WNT3A: variants seen among roughly 807,000 people sequenced by gnomAD.
WNT3A encodes protein Wnt-3a.
Under a neutral mutation model 37.0 loss-of-function variants are expected in WNT3A, and 17 were observed. The observed-to-expected ratio is 0.46, with a 90% CI of 0.31 to 0.69. The LOEUF (loss-of-function observed/expected upper bound fraction) is 0.69, where lower values mean the gene tolerates loss of function less well. WNT3A is among the 30% of genes least tolerant of loss of function. The pLI is 0.05. For missense variants in WNT3A, 411 were observed against 510.2 expected (o/e 0.81, Z 1.87); for synonymous variants, 187 against 211.0 (o/e 0.89, Z 0.99).
Position 228,059,612 on chromosome 1 carries a change from C to G in WNT3A, c.*147C>G. 1 of 1,388,136 alleles carries G rather than the reference C, an allele frequency of 7.2e-7. No individual in the cohort carries two copies. Among genetic ancestry groups the G allele is most frequent in the Non-Finnish European group, 9.3e-7 (1 of 1,079,070 alleles). The allele number at this position is 1,388,136 out of a possible 1,614,324, so 86.0% of individuals were successfully genotyped here. ...TGGGGGTGGGGCTCCTACCTGGGGG[C>G]AGAACTCCTACCTGAAGGCAGGGCT... On this transcript the variant is annotated 3_prime_UTR_variant, in exon 4 of 4. Coordinates refer to ENST00000284523, the MANE Select transcript of WNT3A (RefSeq NM_033131.4).
chr1:228,027,781 G>A (rs1168346657), intron 2 of WNT3A, among the ~76,000 whole-genome samples: 1 of 152,124 alleles, frequency 6.6e-6, no homozygotes, highest in Non-Finnish European at 1.5e-5. Context: ...AATTCAATTA[G>A]GTCCCATTTA....
At position 228,033,247 on chromosome 1, in the gene WNT3A, G is replaced by A. The variant is rs2031054707; in HGVS notation, c.313+10339G>A. Reference sequence around the variant, plus strand: ...TTGATGCCATATCTAAGAGACAATTGCCTAACCCAAGCTCACAAAGATCTA... The same window carrying A: ...TTGATGCCATATCTAAGAGACAATTACCTAACCCAAGCTCACAAAGATCTA... On this transcript the variant is annotated intron_variant, in intron 2 of 3. Coordinates refer to ENST00000284523, the MANE Select transcript of WNT3A (RefSeq NM_033131.4). 2.6e-5 allele frequency among the ~76,000 whole-genome samples: 4 copies of A among 152,078 alleles called. No homozygotes were observed. In the South Asian group the frequency reaches 8.3e-4, roughly 32 times the overall value.
In WNT3A at chr1:228,008,280, C is replaced by A. The variant is rs1041982333; in HGVS notation, c.71+1081C>A. Reference sequence around the variant, plus strand: ...CTCCCCACAAGCATGCACACTCCCCCCCATCCTTCTCCGACGGCAGCCTGG... The same window carrying A: ...CTCCCCACAAGCATGCACACTCCCCACCATCCTTCTCCGACGGCAGCCTGG... On this transcript the variant is annotated intron_variant, in intron 1 of 3. Coordinates refer to ENST00000284523, the MANE Select transcript of WNT3A (RefSeq NM_033131.4). This position sits in a 1 kb window ranked among gnomAD's most constrained non-coding sequence, Gnocchi z 4.9. Among the ~76,000 whole-genome samples, 1 of 152,220 alleles carries A rather than the reference C, an allele frequency of 6.6e-6. No homozygotes were observed. The highest frequency in any genetic ancestry group is 1.5e-5 in the Non-Finnish European group (1 of 68,038).
intron 2 of WNT3A, among the ~76,000 whole-genome samples, chr1:228,043,013 AGATGGATG>A (rs537700236): frequency 4.7e-5 from 7 of 149,622 alleles, no homozygotes; most frequent in Non-Finnish European, 7.4e-5. Flanking sequence ...GGTAATGGAT[AGATGGATG>A]GATGGATGGA....
Position 228,031,541 on chromosome 1 carries a change from G to T in WNT3A, c.313+8633G>T, listed in dbSNP as rs1278470579. On this transcript the variant is annotated intron_variant, in intron 2 of 3. Transcript: ENST00000284523. The surrounding 1 kb of genome is among the most constrained non-coding windows in gnomAD (Gnocchi z 4.8). ...TGTGAGTGTGCACGTGTGTGGGAATGTGGTGTGATGTGTCATGTGTGCACA... is the reference window on the plus strand; with the variant it reads ...TGTGAGTGTGCACGTGTGTGGGAATTTGGTGTGATGTGTCATGTGTGCACA... Among the ~76,000 whole-genome samples the T allele has an allele frequency of 6.6e-6, 1 of 152,152 alleles. No homozygotes were observed. The highest frequency in any genetic ancestry group is 1.5e-5 in the Non-Finnish European group (1 of 68,014).
chr1:228,032,639 T>C (rs963388849), intron 2 of WNT3A, among the ~76,000 whole-genome samples: 4 of 152,212 alleles, frequency 2.6e-5, no homozygotes, highest in Admixed American at 1.3e-4. Context: ...TTGACTATTA[T>C]AAATAATGCC....
At chr1:228,028,854 G>A (rs1296294245) in intron 2 of WNT3A, among the ~76,000 whole-genome samples, 1 of 152,158 alleles carries the variant, frequency 6.6e-6, no homozygotes, top group Non-Finnish European at 1.5e-5. Context: ...TTATCCAGTT[G>A]CCCCAGGTGG....
intron 1 of WNT3A, among the ~76,000 whole-genome samples, chr1:228,022,059 A>G (rs1006204485): frequency 6.6e-6 from 1 of 152,248 alleles, no homozygotes; most frequent in Non-Finnish European, 1.5e-5. Flanking sequence ...GATAAAACAT[A>G]CAGAAAAACA....
At position 228,038,045 on chromosome 1, in the gene WNT3A, C is replaced by T. The variant is rs2031185674; in HGVS notation, c.314-12611C>T. 1.3e-5 allele frequency among the ~76,000 whole-genome samples: 2 copies of T among 152,066 alleles called. 1 individual carries two copies. The highest frequency in any genetic ancestry group is 1.3e-4 in the Admixed American group (2 of 15,268). ...TGGCGCACAAAGCCGGATTCAAGCGCCCCAGCGGGTCAGCACGGCGCCCGG... is the reference window on the plus strand; with the variant it reads ...TGGCGCACAAAGCCGGATTCAAGCGTCCCAGCGGGTCAGCACGGCGCCCGG... On this transcript the variant is annotated intron_variant, in intron 2 of 3. Coordinates refer to ENST00000284523, the MANE Select transcript of WNT3A (RefSeq NM_033131.4). This position sits in a 1 kb window ranked among gnomAD's most constrained non-coding sequence, Gnocchi z 5.7.
At chr1:228,048,419 G>A (rs1219208393) in intron 2 of WNT3A, among the ~76,000 whole-genome samples, 1 of 152,214 alleles carries the variant, frequency 6.6e-6, no homozygotes, top group African/African-American at 2.4e-5. Context: ...TGCTAGGTCT[G>A]TAAGATCCCT....
rs964760716 is a variant in WNT3A at position 228,038,263 on chromosome 1, C to A, written c.314-12393C>A. Among the ~76,000 whole-genome samples the A allele has an allele frequency of 6.6e-6, 1 of 152,044 alleles. No individual in the cohort carries two copies. Among genetic ancestry groups the A allele is most frequent in the Non-Finnish European group, 1.5e-5 (1 of 67,978 alleles). ...AAGGTGGGCAGCCCCCGAGGGGAGG[C>A]GCCCGGGCGTCGGCTCCGGCGGGCT... is the stretch of plus-strand genomic sequence containing the variant. On this transcript the variant is annotated intron_variant, in intron 2 of 3. Transcript: ENST00000284523. This position sits in a 1 kb window ranked among gnomAD's most constrained non-coding sequence, Gnocchi z 5.7.
At position 228,059,800 on chromosome 1, in the gene WNT3A, G is replaced by T; in HGVS notation, c.*335G>T. Reference sequence around the variant, plus strand: ...GGCGGGGCTTCTCTTGGGTGGGACAGGGCTTCTCCTGCGGGGGCGAGGCCC... The same window carrying T: ...GGCGGGGCTTCTCTTGGGTGGGACATGGCTTCTCCTGCGGGGGCGAGGCCC... On this transcript the variant is annotated 3_prime_UTR_variant, in exon 4 of 4. Transcript: ENST00000284523. 1 of 1,134,392 alleles carries T rather than the reference G, an allele frequency of 8.8e-7. No individual in the cohort carries two copies. The highest frequency in any genetic ancestry group is 3.1e-5 in the South Asian group (1 of 32,070). 70.3% of individuals were successfully genotyped at this position (1,134,392 alleles called of 1,614,324 possible). A position where few individuals can be genotyped will look rare whatever the true frequency, so the allele number is the denominator to read the frequency against.
At chr1:228,016,094 C>G (rs982957377) in intron 1 of WNT3A, among the ~76,000 whole-genome samples, 2 of 152,150 alleles carry the variant, frequency 1.3e-5, no homozygotes, top group Non-Finnish European at 2.9e-5. Flanking sequence ...CTACCTTGCT[C>G]TTTTGGGGAT....
chr1:228,035,706 C>T (rs2031120125), intron 2 of WNT3A, among the ~76,000 whole-genome samples: 1 of 152,196 alleles, frequency 6.6e-6, no homozygotes, highest in African/African-American at 2.4e-5. Flanking sequence ...AAGGTGCCAG[C>T]GTTGGGTTGG....
At chr1:228,027,801 G>C (rs58389699) in intron 2 of WNT3A, among the ~76,000 whole-genome samples, 2 of 151,970 alleles carry the variant, frequency 1.3e-5, no homozygotes, top group Non-Finnish European at 1.5e-5. Context: ...ATTTATTTTT[G>C]TTTTTGTTGC....
intron 1 of WNT3A, among the ~76,000 whole-genome samples, chr1:228,011,373 T>C (rs2030364088): frequency 6.6e-6 from 1 of 152,160 alleles, no homozygotes; most frequent in African/African-American, 2.4e-5. Flanking sequence ...AGCCTGCCAC[T>C]GGCCCACTCC....
At chr1:228,020,116 C>T (rs1287249681) in intron 1 of WNT3A, among the ~76,000 whole-genome samples, 9 of 152,340 alleles carry the variant, frequency 5.9e-5, no homozygotes, top group Non-Finnish European at 1.2e-4. Flanking sequence ...CTCAGCTACT[C>T]GGGAGGGTGA....
At chr1:228,015,866 C>G (rs58978756) in intron 1 of WNT3A, among the ~76,000 whole-genome samples, 15,114 of 152,096 alleles carry the variant, frequency 0.099, 1,780 homozygotes, top group African/African-American at 0.27. Context: ...CCCCAGAAGC[C>G]CAAGTGGGAG....
intron 2 of WNT3A, among the ~76,000 whole-genome samples, chr1:228,041,013 ATATCTATCTATC>A (rs6143658): frequency 0.093 from 13,148 of 140,752 alleles, 679 homozygotes; most frequent in East Asian, 0.2. Flanking sequence ...CTACATATCT[ATATCTATCTATC>A]TATCTATCTA....
Sources: gnomAD v4.1 joint callset for allele counts (sites outside exome capture counted in the v4.1 genomes callset) on GRCh38, gnomAD v4.1.1 for gene constraint, Gnocchi (gnomAD v3.1) non-coding constraint, MANE v1.5 for transcripts, NCBI Gene and HGNC (gene_info 2026-07-23, HGNC 2026-07-21) for gene names.